The following ADAM7 variants were observed in gnomAD, a reference collection of about 807,000 sequenced individuals.
ADAM7 encodes ADAM metallopeptidase domain 7.
Under a neutral mutation model 102.9 loss-of-function variants are expected in ADAM7, and 97 were observed. That is an observed-to-expected ratio of 0.94 (90% CI 0.80 to 1.12). The LOEUF (loss-of-function observed/expected upper bound fraction) is 1.12, where lower values mean the gene tolerates loss of function less well. Ranked by LOEUF, ADAM7 falls within the 50% of genes most tolerant of loss-of-function variation. The pLI, the probability that ADAM7 is intolerant of heterozygous loss-of-function variation, is 0.00. For missense variants in ADAM7, 991 were observed against 908.7 expected (o/e 1.09, Z -1.16); for synonymous variants, 334 against 304.4 (o/e 1.10, Z -1.01).
At chr8:24,485,394 T>C in intron 10 of ADAM7, 33 bp downstream of exon 10, 1 of 1,581,094 alleles carries the variant, frequency 6.3e-7, no homozygotes, top group Non-Finnish European at 8.6e-7. Context: ...TACTTAATAA[T>C]GTTTGAATAA....
chr8:24,491,936 A>G lies in ADAM7; in HGVS notation c.1390A>G (p.Lys464Glu). Residue 464 changes from lysine to glutamate, a missense_variant, in exon 14 of 22, where the codon AAA becomes GAA. Lys to Glu is a moderately conservative substitution (Grantham distance 56, BLOSUM62 1). Coordinates refer to ENST00000175238, the MANE Select transcript of ADAM7 (RefSeq NM_003817.4). ...KKAGSICRPA[K>E]DECDFPEMCT... ...AGCAGGGTCCATATGCAGACCGGCGAAAGATGAATGTGATTTTCCTGAGAT... is the reference window on the plus strand; with the variant it reads ...AGCAGGGTCCATATGCAGACCGGCGGAAGATGAATGTGATTTTCCTGAGAT... 1.2e-6 allele frequency: 2 copies of G among 1,613,278 alleles called. No individual in the cohort carries two copies. The highest frequency in any genetic ancestry group is 1.7e-6 in the Non-Finnish European group (2 of 1,179,642).
chr8:24,485,447 TG>T, intron 10 of ADAM7, 86 bp downstream of exon 10: 1 of 1,234,272 alleles, frequency 8.1e-7, no homozygotes, highest in Non-Finnish European at 1.2e-6. Context: ...AGACTATGTA[TG>T]CATTTTGTCA....
rs192535304 is a variant in ADAM7, at chr8:24,456,721, A to G, written c.234-7161A>G. Among the ~76,000 whole-genome samples, 32 of 151,836 alleles carry G rather than the reference A, an allele frequency of 2.1e-4. No homozygotes were observed. The East Asian group carries it at 6.2e-3, about 29-fold the overall frequency. ...TCACACTACATGTACTCTTTTGTGT[A>G]AGACTTTTAAAATTTAGCATACTGA... On this transcript the variant is annotated intron_variant, in intron 3 of 21. Coordinates refer to ENST00000175238, the MANE Select transcript of ADAM7 (RefSeq NM_003817.4).
At chr8:24,502,870 A>T (rs963456058) in intron 20 of ADAM7, among the ~76,000 whole-genome samples, 3 of 152,088 alleles carry the variant, frequency 2.0e-5, no homozygotes, top group South Asian at 2.1e-4. Context: ...AATTTATTTT[A>T]TGAGGCCAAT....
At chr8:24,472,286 A>T (rs185885025) in intron 7 of ADAM7, among the ~76,000 whole-genome samples, 3,134 of 146,930 alleles carry the variant, frequency 0.021, 123 homozygotes, top group African/African-American at 0.073. Flanking sequence ...CCTTGCATTT[A>T]AAAAAAAAGA....
intron 3 of ADAM7, among the ~76,000 whole-genome samples, chr8:24,452,571 T>C (rs1187075074): frequency 1.1e-4 from 16 of 151,790 alleles, no homozygotes; most frequent in Admixed American, 2.0e-4. Context: ...GTTTCCTGAA[T>C]ACAGCACACT....
chr8:24,484,089 C>G (rs535083184), intron 9 of ADAM7, among the ~76,000 whole-genome samples: 24 of 152,286 alleles, frequency 1.6e-4, no homozygotes, highest in African/African-American at 5.8e-4. Flanking sequence ...CATGAGAGGA[C>G]ACTCAAGATT....
At position 24,500,828 on chromosome 8, in the gene ADAM7, G is replaced by T. The variant is rs760753455; in HGVS notation, c.2041G>T (p.Val681Phe). Residue 681 changes from valine (V) to phenylalanine (F), a missense_variant, in exon 19 of 22, where the codon GTC becomes TTC. Physicochemically the swap from Val to Phe is conservative, Grantham distance 50. Coordinates refer to ENST00000175238, the MANE Select transcript of ADAM7 (RefSeq NM_003817.4). ...ILVVVLVLVI[V>F]GIGVLILLVR... ...GGTTGTTGTGCTTGTCCTGGTTATT[G>T]TCGGTATCGGAGTTCTTATACTATT... 6 of 1,613,310 alleles carry T rather than the reference G, an allele frequency of 3.7e-6. No homozygotes were observed. In the East Asian group the frequency reaches 1.3e-4, roughly 36 times the overall value.
chr8:24,507,638 T>G, intron 21 of ADAM7, 103 bp downstream of exon 21: 1 of 907,008 alleles, frequency 1.1e-6, no homozygotes. Context: ...ACATCCTCTG[T>G]ACTTATCACA....
chr8:24,494,712 G>GA lies in ADAM7; in HGVS notation c.1842+1492dup, dbSNP rs35824095. On this transcript the variant is annotated intron_variant, in intron 16 of 21. Transcript: ENST00000175238. ...ATGTAGGTATCACAATGATGTGAGTGAAAAAAAAATCTCTTTTTGGCATTG... is the reference window on the plus strand; with the variant it reads ...ATGTAGGTATCACAATGATGTGAGTGAAAAAAAAAATCTCTTTTTGGCATTG... 1.2e-4 allele frequency among the ~76,000 whole-genome samples: 18 copies of GA among 151,968 alleles called. No individual in the cohort carries two copies. The East Asian group carries it at 2.3e-3, about 20-fold the overall frequency.
intron 3 of ADAM7, among the ~76,000 whole-genome samples, chr8:24,449,980 G>A (rs1336797596): frequency 6.6e-6 from 1 of 152,090 alleles, no homozygotes; most frequent in African/African-American, 2.4e-5. Flanking sequence ...CCTTATTTCT[G>A]AGGGCTCTGT....
chr8:24,447,539 A>G (rs980667721), intron 3 of ADAM7, among the ~76,000 whole-genome samples: 1 of 152,200 alleles, frequency 6.6e-6, no homozygotes, highest in African/African-American at 2.4e-5. Context: ...AACAGGGTTG[A>G]TACATTACTG....
chr8:24,487,409 G>C (rs139116804), intron 11 of ADAM7, 92 bp downstream of exon 11: 3 of 1,434,668 alleles, frequency 2.1e-6, no homozygotes, highest in South Asian at 2.7e-5. Flanking sequence ...CACTTTGGGA[G>C]GCCGAGGCAG....
intron 3 of ADAM7, among the ~76,000 whole-genome samples, chr8:24,461,822 A>C (rs1458585720): frequency 1.3e-5 from 2 of 152,068 alleles, no homozygotes; most frequent in African/African-American, 4.8e-5. Context: ...AACATTTTCA[A>C]TTTGTTTTTA....
At chr8:24,458,550 T>C (rs1585866823) in intron 3 of ADAM7, among the ~76,000 whole-genome samples, 2 of 152,288 alleles carry the variant, frequency 1.3e-5, no homozygotes, top group African/African-American at 4.8e-5. Flanking sequence ...GATTGTTTTG[T>C]AGAGTACTTA....
intron 11 of ADAM7, 111 bp downstream of exon 11, chr8:24,487,428 CCT>C: frequency 1.1e-5 from 15 of 1,350,016 alleles, no homozygotes; most frequent in South Asian, 3.0e-5. Context: ...AGGTGGATCA[CCT>C]GAGGTCAGGA....
chr8:24,447,335 C>A, intron 3 of ADAM7, 73 bp downstream of exon 3: 2 of 753,846 alleles, frequency 2.7e-6, no homozygotes, highest in Non-Finnish European at 4.0e-6. Flanking sequence ...TAAAAACTGC[C>A]AGTGAAGAGG....
At chr8:24,486,593 T>A (rs1469203379) in intron 10 of ADAM7, among the ~76,000 whole-genome samples, 1 of 152,176 alleles carries the variant, frequency 6.6e-6, no homozygotes, top group East Asian at 1.9e-4. Flanking sequence ...AATAGAAAGT[T>A]ATTTCTCGGA....
chr8:24,495,154 AGAG>A (rs898917676), intron 16 of ADAM7, among the ~76,000 whole-genome samples: 37 of 152,330 alleles, frequency 2.4e-4, no homozygotes, highest in African/African-American at 8.9e-4. Flanking sequence ...GAATGGTTTT[AGAG>A]AAGATCTGCT....
Sources: gnomAD v4.1 joint callset for allele counts (sites outside exome capture counted in the v4.1 genomes callset) on GRCh38, gnomAD v4.1.1 for gene constraint, MANE v1.5 for transcripts, NCBI Gene and HGNC (gene_info 2026-07-23, HGNC 2026-07-21) for gene names.